CACNA1E: variants seen among roughly 807,000 people sequenced by gnomAD.
The protein encoded by CACNA1E is calcium voltage-gated channel subunit alpha1 E.
In CACNA1E, 40 loss-of-function variants were observed where a neutral mutation model predicts 259.2. The ratio of observed to expected loss-of-function variants is 0.15; its 90% CI spans 0.12 to 0.20. The LOEUF is 0.20. Among genes scored for constraint, CACNA1E ranks in the 10% least tolerant of loss-of-function variants. CACNA1E has a pLI of 1.00. For synonymous variants in CACNA1E, 1,104 were observed against 1,138.5 expected (o/e 0.97, Z 0.61); for missense variants, 1,874 against 3,040.1 (o/e 0.62, Z 9.02).
intron 3 of CACNA1E, among the ~76,000 whole-genome samples, chr1:181,572,088 A>G (rs1200452467): frequency 2.6e-5 from 4 of 152,200 alleles, no homozygotes; most frequent in Non-Finnish European, 2.9e-5. Context: ...TTGGCTGGCA[A>G]CCCTGAACCT....
chr1:181,752,501 A>G (rs1657684605), intron 27 of CACNA1E, among the ~76,000 whole-genome samples: 1 of 152,198 alleles, frequency 6.6e-6, no homozygotes, highest in South Asian at 2.1e-4. Flanking sequence ...GTCATCCAAG[A>G]GGGAATCCTG....
chr1:181,420,364 T>G (rs1658638349), intron 2 of CACNA1E, among the ~76,000 whole-genome samples: 1 of 152,246 alleles, frequency 6.6e-6, no homozygotes, highest in Admixed American at 6.5e-5. Flanking sequence ...AGGCCCACTT[T>G]TCAGGTGATG....
chr1:181,693,128 C>CAAAAAAA (rs61662957), intron 7 of CACNA1E, among the ~76,000 whole-genome samples: 63 of 97,800 alleles, frequency 6.4e-4, no homozygotes, highest in East Asian at 1.7e-3. Context: ...CTATCTAAAG[C>CAAAAAAA]AAAAAAAAAA....
At chr1:181,621,568 A>G (rs563015568) in intron 6 of CACNA1E, among the ~76,000 whole-genome samples, 27 of 152,356 alleles carry the variant, frequency 1.8e-4, no homozygotes, top group Admixed American at 1.7e-3. Flanking sequence ...ATATCTGTGA[A>G]TATAAAACAC....
At chr1:181,788,880 T>C (rs940579263) in intron 43 of CACNA1E, among the ~76,000 whole-genome samples, 1 of 152,248 alleles carries the variant, frequency 6.6e-6, no homozygotes, top group African/African-American at 2.4e-5. Context: ...CATTTCTTTC[T>C]TTCTGAGACA....
Position 181,776,146 on chromosome 1 carries a change from C to A in CACNA1E, c.5185C>A (p.Leu1729Met). ...VAVIMDNFEY[L>M]TRDSSILGPH... is the part of the protein sequence containing the mutation. ...CGTCATCATGGACAACTTTGAGTAC[C>A]TGACTCGGGACTCCTCCATCCTGGG... The change falls in exon 38 of 48, where the codon CTG becomes ATG. Residue 1729 changes from leucine (L) to methionine (M), a missense_variant. By Grantham distance (15) the Leu-to-Met change is conservative. Around this residue, in one of 14 missense-constraint regions of CACNA1E, gnomAD observed 147 missense variants for 337.1 expected, o/e 0.44. Transcript: ENST00000367573. The surrounding 1 kb of genome is among the most constrained non-coding windows in gnomAD (Gnocchi z 4.4). 6.2e-7 allele frequency: 1 copy of A among 1,613,880 alleles called. No individual in the cohort carries two copies. Among genetic ancestry groups the A allele is most frequent in the Non-Finnish European group, 8.5e-7 (1 of 1,179,726 alleles).
intron 25 of CACNA1E, among the ~76,000 whole-genome samples, 180 bp from the exon 26 acceptor site, chr1:181,750,296 C>CT (rs1553342652): frequency 6.6e-6 from 1 of 152,238 alleles, no homozygotes; most frequent in Non-Finnish European, 1.5e-5. Flanking sequence ...TGTGGACACT[C>CT]TAAGTGCCAA....
intron 7 of CACNA1E, among the ~76,000 whole-genome samples, chr1:181,655,680 T>C (rs939376189): frequency 6.6e-6 from 1 of 152,164 alleles, no homozygotes; most frequent in South Asian, 2.1e-4. Flanking sequence ...AGAAGAGGAA[T>C]TGATTCCCAG....
chr1:181,543,164 G>A (rs1460117571), intron 3 of CACNA1E, among the ~76,000 whole-genome samples: 4 of 151,944 alleles, frequency 2.6e-5, no homozygotes, highest in Non-Finnish European at 5.9e-5. Flanking sequence ...AGATTGTTGG[G>A]CCCCACTCCC....
Position 181,785,352 on chromosome 1 carries a change from A to T in CACNA1E, c.5613A>T (p.Ala1871=), listed in dbSNP as rs182604386. ...TGACTGTGGGCAAAATCTATGCAGCAATGATGATCATGGACTACTATAAGC... is the reference window on the plus strand; with the variant it reads ...TGACTGTGGGCAAAATCTATGCAGCTATGATGATCATGGACTACTATAAGC... ...SDLTVGKIYA[A]MMIMDYYKQS... Residue 1871 remains alanine (A), a synonymous_variant, in exon 42 of 48, where the codon GCA becomes GCT. Transcript: ENST00000367573. 6.2e-7 allele frequency: 1 copy of T among 1,613,696 alleles called. No individual in the cohort carries two copies. The highest frequency in any genetic ancestry group is 8.5e-7 in the Non-Finnish European group (1 of 1,179,702).
intron 3 of CACNA1E, among the ~76,000 whole-genome samples, chr1:181,544,885 T>C (rs1429609855): frequency 1.3e-5 from 2 of 152,184 alleles, no homozygotes; most frequent in Non-Finnish European, 2.9e-5. Context: ...TTTTGGTCAT[T>C]GTGGTTGGTT....
At position 181,806,312 on chromosome 1, in the gene CACNA1E, TAAC is replaced by T. The variant is rs1431662531; in HGVS notation, c.*7483_*7485del. ...AGGGTGCACCGGTTCTAGCCTCAAA[TAAC>T]AACATTGCAAGGAGGTGGACTACAG... On this transcript the variant is annotated 3_prime_UTR_variant, in exon 48 of 48. Coordinates refer to ENST00000367573, the MANE Select transcript of CACNA1E (RefSeq NM_001205293.3). The T allele has an allele frequency of 6.6e-6, 1 of 152,210 alleles. No individual in the cohort carries two copies. Among genetic ancestry groups the T allele is most frequent in the African/African-American group, 2.4e-5 (1 of 41,436 alleles). The allele number at this position is 152,210 out of a possible 1,614,324, so 9.4% of individuals were successfully genotyped here. A position where few individuals can be genotyped will look rare whatever the true frequency, so the allele number is the denominator to read the frequency against.
chr1:181,425,586 A>G (rs1360000147), intron 2 of CACNA1E, among the ~76,000 whole-genome samples: 5 of 131,928 alleles, frequency 3.8e-5, no homozygotes, highest in Non-Finnish European at 6.2e-5. Flanking sequence ...GGCACCGATG[A>G]AAAGACCTTT....
At chr1:181,520,920 C>T (rs530053785) in intron 3 of CACNA1E, among the ~76,000 whole-genome samples, 1 of 152,338 alleles carries the variant, frequency 6.6e-6, no homozygotes, top group East Asian at 1.9e-4. Context: ...CCCCTGTCCG[C>T]CCACATCTGG....
In CACNA1E at chr1:181,793,651, G is replaced by GTGTT; in HGVS notation, c.5899-12_5899-9dup. The GTGTT allele has an allele frequency of 6.2e-7, 1 of 1,607,456 alleles. No homozygotes were observed. The highest frequency in any genetic ancestry group is 8.5e-7 in the Non-Finnish European group (1 of 1,177,596). The stretch of plus-strand genomic sequence containing the variant: ...AACCAAGTCCCACAAGCTTGGCTGT[G>GTGTT]TGTTTATTTCCAGGAGCCAGAGGTT... On this transcript the variant is annotated splice_polypyrimidine_tract_variant and intron_variant, in intron 44 of 47. Transcript: ENST00000367573.
chr1:181,709,327 A>T (rs1653103613), intron 7 of CACNA1E, among the ~76,000 whole-genome samples: 1 of 152,156 alleles, frequency 6.6e-6, no homozygotes, highest in African/African-American at 2.4e-5. Flanking sequence ...TAGCACCTTT[A>T]GTAGAACCCA....
chr1:181,728,553 A>C (rs1487169517), intron 18 of CACNA1E, among the ~76,000 whole-genome samples: 1 of 151,846 alleles, frequency 6.6e-6, no homozygotes, highest in East Asian at 1.9e-4. Context: ...CCCTGCACAG[A>C]TGTGTGTGCC....
chr1:181,694,922 A>G (rs1182978330), intron 7 of CACNA1E, among the ~76,000 whole-genome samples: 1 of 152,210 alleles, frequency 6.6e-6, no homozygotes, highest in African/African-American at 2.4e-5. Context: ...ATTGGAAAGG[A>G]AAAAATAAAA....
At chr1:181,490,914 G>T (rs984736959) in intron 1 of CACNA1E, among the ~76,000 whole-genome samples, 6 of 152,186 alleles carry the variant, frequency 3.9e-5, no homozygotes, top group Non-Finnish European at 4.4e-5. Flanking sequence ...TTGCTGAGAT[G>T]CAGGACATCG....
Sources: gnomAD v4.1 joint callset for allele counts (sites outside exome capture counted in the v4.1 genomes callset) on GRCh38, gnomAD v4.1.1 for gene constraint, gnomAD v4.1.1 regional missense constraint, Gnocchi (gnomAD v3.1) non-coding constraint, MANE v1.5 for transcripts, NCBI Gene and HGNC (gene_info 2026-07-23, HGNC 2026-07-21) for gene names.